Variants in CD72 observed in about 807,000 individuals in gnomAD.
The protein encoded by CD72 is CD72 molecule.
CD72 carries 28 observed loss-of-function variants against 50.7 expected under a neutral mutation model. The observed-to-expected ratio is 0.55, with a 90% CI of 0.41 to 0.76. The LOEUF is 0.76. Among genes scored for constraint, CD72 ranks in the 30% least tolerant of loss-of-function variants. The probability of loss-of-function intolerance (pLI) is 0.00; values close to 1 mark genes in which losing one functional copy is unlikely to be tolerated. For missense variants in CD72, 403 were observed against 420.6 expected (o/e 0.96, Z 0.37); for synonymous variants, 176 against 171.2 (o/e 1.03, Z -0.22).
chr9:35,643,188 C>T (rs576871323), intron 1 of CD72: 1 of 152,414 alleles, frequency 6.6e-6, no homozygotes, highest in Non-Finnish European at 1.5e-5. Context: ...AGGCCGTGCC[C>T]TGTCTGTGTG....
At chr9:35,631,846 CCGA>C (rs766368328) in intron 1 of CD72, among the ~76,000 whole-genome samples, 5 of 152,080 alleles carry the variant, frequency 3.3e-5, no homozygotes, top group African/African-American at 7.2e-5. Context: ...GCCGAGATCG[CCGA>C]GCCACTGCAC....
At chr9:35,618,528 C>G, upstream of CD72, 1 of 1,059,742 alleles carries the variant, frequency 9.4e-7, no homozygotes, top group Non-Finnish European at 1.4e-6. Context: ...GCCAGAGGGG[C>G]CACGGAGGGG....
intron 1 of CD72, among the ~76,000 whole-genome samples, chr9:35,629,754 G>A (rs1370443678): frequency 6.6e-6 from 1 of 152,196 alleles, no homozygotes; most frequent in East Asian, 1.9e-4. Context: ...TGCCACAGAA[G>A]GTGTGCTTTT....
intron 1 of CD72, among the ~76,000 whole-genome samples, chr9:35,631,057 A>G (rs1424210707): frequency 6.6e-6 from 1 of 152,148 alleles, no homozygotes; most frequent in Non-Finnish European, 1.5e-5. Flanking sequence ...CATTATCTAT[A>G]TATTATCCTA....
chr9:35,645,497 G>A (rs903491893), intron 1 of CD72, among the ~76,000 whole-genome samples: 1 of 151,760 alleles, frequency 6.6e-6, no homozygotes, highest in Non-Finnish European at 1.5e-5. Context: ...CAGGAGAATC[G>A]CTTGAACCCA....
In CD72 at chr9:35,610,755, T is replaced by G. The variant is rs1822968251; in HGVS notation, c.951-2A>C. Reference sequence around the variant, plus strand: ...CATTTTGAGCTTTGAGCATAAGTCCTAAAAAGTAGTAAGGTAGAGCTGGGA... The same window carrying G: ...CATTTTGAGCTTTGAGCATAAGTCCGAAAAAGTAGTAAGGTAGAGCTGGGA... On this transcript the variant is annotated splice_acceptor_variant, in intron 7 of 8. Transcript: ENST00000259633. LOFTEE classifies it high-confidence loss of function. The G allele has an allele frequency of 6.2e-7, 1 of 1,609,882 alleles. No homozygotes were observed. The highest frequency in any genetic ancestry group is 8.5e-7 in the Non-Finnish European group (1 of 1,177,926).
intron 5 of CD72, among the ~76,000 whole-genome samples, chr9:35,614,713 T>C (rs745332447): frequency 4.6e-5 from 7 of 152,020 alleles, no homozygotes; most frequent in Non-Finnish European, 1.5e-5. Context: ...AACAAAGAAG[T>C]GAGTGAGCCA....
chr9:35,625,105 G>A (rs946466158), intron 1 of CD72, among the ~76,000 whole-genome samples: 5 of 152,174 alleles, frequency 3.3e-5, no homozygotes, highest in African/African-American at 1.2e-4. Flanking sequence ...AGCCAGAAAG[G>A]ATTAAGGTTA....
intron 6 of CD72, 48 bp from the exon 7 acceptor site, chr9:35,611,967 AAT>A (rs1238241191): frequency 2.0e-6 from 2 of 1,025,012 alleles, no homozygotes; most frequent in African/African-American, 3.1e-5. Context: ...AGTGATGAGA[AAT>A]ATGGAAGAAA....
At chr9:35,634,688 C>T (rs1288909633) in intron 1 of CD72, among the ~76,000 whole-genome samples, 2 of 152,116 alleles carry the variant, frequency 1.3e-5, no homozygotes, top group Non-Finnish European at 2.9e-5. Context: ...ACTTCCCTTC[C>T]TTTCTCCCAT....
exon 1 of CD72, chr9:35,646,475 G>GC (rs1159457344): frequency 6.6e-6 from 1 of 152,274 alleles, no homozygotes; most frequent in East Asian, 1.9e-4. Context: ...GCAAGGGGGG[G>GC]CCCCTCGGAA....
At chr9:35,611,250 CAA>C (rs749846765) in intron 7 of CD72, among the ~76,000 whole-genome samples, 9 of 117,140 alleles carry the variant, frequency 7.7e-5, no homozygotes, top group African/African-American at 6.4e-5. Context: ...GACTCCATCT[CAA>C]AAAAAAAAAA....
chr9:35,618,432 C>G (rs1056308342), upstream of CD72: 6 of 1,538,940 alleles, frequency 3.9e-6, no homozygotes, highest in African/African-American at 8.2e-5. Context: ...GCAATTGGCC[C>G]TGTGACTTCC....
Position 35,611,112 on chromosome 9 carries a change from A to AG in CD72, c.951-360_951-359insC, listed in dbSNP as rs1563893993. ...TAAAAATACAAAAAATTAGCCGGGC[A>AG]TGGCGGTGTGCGCCTGTAGTCCCAG... On this transcript the variant is annotated intron_variant, in intron 7 of 8. Coordinates refer to ENST00000259633, the MANE Select transcript of CD72 (RefSeq NM_001782.3). Among the ~76,000 whole-genome samples the AG allele has an allele frequency of 6.2e-4, 95 of 152,292 alleles. 1 individual carries two copies. The highest frequency in any genetic ancestry group is 3.4e-3 in the Middle Eastern group (1 of 294).
chr9:35,636,337 C>T (rs1217915852), intron 1 of CD72, among the ~76,000 whole-genome samples: 1 of 152,022 alleles, frequency 6.6e-6, no homozygotes, highest in Non-Finnish European at 1.5e-5. Context: ...ACCACGTGCA[C>T]ATTATTTCTA....
chr9:35,613,050 G>A (rs1823011543), intron 5 of CD72, 57 bp from the exon 6 acceptor site: 19 of 1,416,122 alleles, frequency 1.3e-5, no homozygotes, highest in Non-Finnish European at 1.9e-5. Context: ...TGACTACTCA[G>A]CAATCTTTTG....
chr9:35,635,819 T>C (rs1283848663), intron 1 of CD72, among the ~76,000 whole-genome samples: 2 of 152,196 alleles, frequency 1.3e-5, no homozygotes, highest in Non-Finnish European at 2.9e-5. Context: ...TTCTCTCTGC[T>C]TGGAGCCCAG....
chr9:35,636,063 T>C (rs745615439), intron 1 of CD72, among the ~76,000 whole-genome samples: 2 of 152,296 alleles, frequency 1.3e-5, no homozygotes, highest in Non-Finnish European at 1.5e-5. Context: ...TTTACTTTTA[T>C]TTTTTCCCCT....
chr9:35,613,184 TCAA>T (rs938445527), intron 5 of CD72, among the ~76,000 whole-genome samples, 191 bp from the exon 6 acceptor site: 11 of 152,294 alleles, frequency 7.2e-5, no homozygotes, highest in African/African-American at 2.4e-4. Flanking sequence ...ACTTTAACAT[TCAA>T]CAACATTACT....
Sources: gnomAD v4.1 joint callset for allele counts (sites outside exome capture counted in the v4.1 genomes callset) on GRCh38, gnomAD v4.1.1 for gene constraint, MANE v1.5 for transcripts, NCBI Gene and HGNC (gene_info 2026-07-23, HGNC 2026-07-21) for gene names.